Variants in MYH9 observed in about 807,000 individuals in gnomAD.
MYH9 encodes the protein myosin-9.
In MYH9, 29 loss-of-function variants were observed where a neutral mutation model predicts 241.9. The ratio of observed to expected loss-of-function variants is 0.12; its 90% CI spans 0.09 to 0.16. The LOEUF (loss-of-function observed/expected upper bound fraction) is 0.16, where lower values mean the gene tolerates loss of function less well. MYH9 is among the 10% of genes least tolerant of loss of function. MYH9 has a pLI of 1.00. For missense variants in MYH9, 1,803 were observed against 2,595.5 expected (o/e 0.69, Z 6.63); for synonymous variants, 1,047 against 1,062.6 (o/e 0.99, Z 0.29).
intron 30 of MYH9, among the ~76,000 whole-genome samples, chr22:36,292,668 GC>G (rs1232735572): frequency 6.6e-6 from 1 of 152,232 alleles, no homozygotes; most frequent in African/African-American, 2.4e-5. Flanking sequence ...TGGACTCCCA[GC>G]CCATCCCGAG....
chr22:36,351,537 A>G (rs1456205178), intron 1 of MYH9, among the ~76,000 whole-genome samples: 1 of 152,118 alleles, frequency 6.6e-6, no homozygotes, highest in East Asian at 1.9e-4. Flanking sequence ...AGTCCATTCA[A>G]GCAAATCCAA....
At chr22:36,341,173 T>G (rs1158427022) in intron 3 of MYH9, among the ~76,000 whole-genome samples, 197 bp downstream of exon 3, 2 of 152,218 alleles carry the variant, frequency 1.3e-5, no homozygotes, top group African/African-American at 4.8e-5. Flanking sequence ...TAGAACATTC[T>G]ATCAACATAT....
chr22:36,309,150 G>T, intron 15 of MYH9, 132 bp downstream of exon 15: 2 of 808,600 alleles, frequency 2.5e-6, no homozygotes, highest in Non-Finnish European at 4.2e-6. Context: ...GAGCTACAGA[G>T]GGCAGAGACC....
In MYH9 at chr22:36,330,157, C is replaced by A. The variant is rs1164937979; in HGVS notation, c.491-2669G>T. 6.6e-6 allele frequency among the ~76,000 whole-genome samples: 1 copy of A among 152,260 alleles called. No individual in the cohort carries two copies. Among genetic ancestry groups the A allele is most frequent in the Non-Finnish European group, 1.5e-5 (1 of 68,046 alleles). On this transcript the variant is annotated intron_variant, in intron 3 of 40. Transcript: ENST00000216181. This position sits in a 1 kb window ranked among gnomAD's most constrained non-coding sequence, Gnocchi z 4.5. ...TCCCTAGCTCTCCCACTTCTCCAGC[C>A]TTCCCCGTCCAATTCCTGAAGCCAA... is the stretch of plus-strand genomic sequence containing the variant.
intron 1 of MYH9, among the ~76,000 whole-genome samples, chr22:36,383,224 C>T (rs943988909): frequency 1.3e-5 from 2 of 152,044 alleles, no homozygotes; most frequent in Non-Finnish European, 2.9e-5. Context: ...TGCTTCAAAA[C>T]GAAATCAAAA....
intron 1 of MYH9, among the ~76,000 whole-genome samples, chr22:36,371,796 A>G (rs895896648): frequency 3.3e-5 from 5 of 151,918 alleles, no homozygotes; most frequent in African/African-American, 1.2e-4. Context: ...CGGCCTCCCA[A>G]AGTGCTGGGA....
intron 3 of MYH9, among the ~76,000 whole-genome samples, chr22:36,338,485 G>C (rs753093900): frequency 3.3e-5 from 5 of 152,102 alleles, no homozygotes; most frequent in Non-Finnish European, 7.3e-5. Flanking sequence ...AGTTTCCCGT[G>C]CTCACAAATG....
At chr22:36,316,708 A>C in intron 11 of MYH9, 39 bp from the exon 12 acceptor site, 1 of 1,611,826 alleles carries the variant, frequency 6.2e-7, no homozygotes, top group South Asian at 1.1e-5. Context: ...TCAGATACAA[A>C]GGATCTGAAA....
intron 38 of MYH9, among the ~76,000 whole-genome samples, 176 bp downstream of exon 38, chr22:36,284,945 C>A (rs1031314378): frequency 7.9e-5 from 12 of 152,212 alleles, no homozygotes; most frequent in Non-Finnish European, 1.3e-4. Context: ...TCAAACCCCA[C>A]AAGCTCCCCC....
rs751880371 is a variant in MYH9, at chr22:36,301,558, C to T, written c.2607G>A (p.Thr869=). The part of the protein sequence containing the change: ...EKQLAAENRL[T]EMETLQSQLM... ...CCTGAGACTGCAGCGTCTCCATCTC[C>T]GTGAGCCTGTTCTCCGCAGCCAGCT... Residue 869 remains threonine (T), a synonymous_variant, in exon 21 of 41, where the codon ACG becomes ACA. Coordinates refer to ENST00000216181, the MANE Select transcript of MYH9 (RefSeq NM_002473.6). 63 of 1,613,734 alleles carry T rather than the reference C, an allele frequency of 3.9e-5. 1 individual carries two copies. Among genetic ancestry groups the T allele is most frequent in the South Asian group, 1.6e-4 (15 of 91,090 alleles).
rs1189168059 is a variant in MYH9 at position 36,291,685 on chromosome 22, A to T, written c.4344+301T>A. On this transcript the variant is annotated intron_variant, in intron 31 of 40. Transcript: ENST00000216181. ...CCAAGAATGATCAATAAAAAAATTA[A>T]AAAAAAAAAAAAAAAAAAAAAGACA... 1.9e-4 allele frequency among the ~76,000 whole-genome samples: 11 copies of T among 58,342 alleles called. No individual in the cohort carries two copies. In the South Asian group the frequency reaches 7.1e-3, roughly 38 times the overall value. The allele number at this position is 58,342 out of a possible 152,430, so 38.3% of individuals were successfully genotyped here.
chr22:36,332,641 C>G (rs1437202645), intron 3 of MYH9, among the ~76,000 whole-genome samples: 2 of 142,254 alleles, frequency 1.4e-5, no homozygotes, highest in East Asian at 3.9e-4. Context: ...AGCCCTCCCC[C>G]TCCAGACACT....
At chr22:36,366,231 C>T (rs1217022945) in intron 1 of MYH9, among the ~76,000 whole-genome samples, 1 of 152,042 alleles carries the variant, frequency 6.6e-6, no homozygotes, top group Non-Finnish European at 1.5e-5. Flanking sequence ...TTGCCACTCA[C>T]TTCACGACCC....
intron 19 of MYH9, among the ~76,000 whole-genome samples, chr22:36,303,483 A>G (rs1052397610): frequency 5.3e-5 from 8 of 151,590 alleles, no homozygotes; most frequent in Non-Finnish European, 8.8e-5. Context: ...CTAAACCCCA[A>G]TCAGAAATGC....
Position 36,302,590 on chromosome 22 carries a change from T to C in MYH9, c.2477A>G (p.Gln826Arg), listed in dbSNP as rs1156433277. 12 of 1,613,318 alleles carry C rather than the reference T, an allele frequency of 7.4e-6. No homozygotes were observed. The highest frequency in any genetic ancestry group is 9.3e-6 in the Non-Finnish European group (11 of 1,179,942). Residue 826 changes from glutamine (Q) to arginine (R), a missense_variant, in exon 20 of 41, where the codon CAG (glutamine) becomes CGG (arginine). Transcript: ENST00000216181. ...CAAYLKLRNW[Q>R]WWRLFTKVKP... ...CACCTTGGTGAAGAGCCGCCACCAC[T>C]GCCAGTTCCGCAGCTTCAGGTAGGC...
chr22:36,313,741 A>G (rs2017105143), intron 13 of MYH9, among the ~76,000 whole-genome samples: 1 of 152,160 alleles, frequency 6.6e-6, no homozygotes. Flanking sequence ...GCACTGTTCC[A>G]TGCTACAGTG....
At position 36,329,343 on chromosome 22, in the gene MYH9, G is replaced by A. The variant is rs750854627; in HGVS notation, c.491-1855C>T. ...AGAGACCTGCATCCTCGACTAGACA[G>A]ACGGGAAGACAGAAGGGAGGGAGGC... On this transcript the variant is annotated intron_variant, in intron 3 of 40. Transcript: ENST00000216181. This position sits in a 1 kb window ranked among gnomAD's most constrained non-coding sequence, Gnocchi z 4.1. 6.6e-6 allele frequency among the ~76,000 whole-genome samples: 1 copy of A among 152,208 alleles called. No individual in the cohort carries two copies. The highest frequency in any genetic ancestry group is 1.5e-5 in the Non-Finnish European group (1 of 68,044).
intron 1 of MYH9, among the ~76,000 whole-genome samples, chr22:36,361,315 C>T (rs991810540): frequency 6.6e-6 from 1 of 152,164 alleles, no homozygotes; most frequent in Non-Finnish European, 1.5e-5. Flanking sequence ...CCAGAGCCTG[C>T]CCCATCTGCA....
chr22:36,349,360 C>T lies in MYH9; in HGVS notation c.-19-105G>A. The stretch of plus-strand genomic sequence containing the variant: ...CTTTGCAAACTGTATAGGATTAAGA[C>T]ACAGTAAAACTCTATATAACCAGGC... On this transcript the variant is annotated intron_variant, in intron 1 of 40. Transcript: ENST00000216181. 10 of 835,896 alleles carry T rather than the reference C, an allele frequency of 1.2e-5. No individual in the cohort carries two copies. In the South Asian group the frequency reaches 1.5e-4, roughly 12 times the overall value. 51.8% of individuals were successfully genotyped at this position (835,896 alleles called of 1,614,324 possible).
Sources: allele counts gnomAD v4.1 joint callset (sites outside exome capture counted in the v4.1 genomes callset), GRCh38; gene constraint gnomAD v4.1.1; non-coding constraint Gnocchi (gnomAD v3.1); transcripts MANE v1.5; gene names NCBI Gene and HGNC (gene_info 2026-07-23, HGNC 2026-07-21).